EIPR1: variants seen among roughly 807,000 people sequenced by gnomAD.
EIPR1 encodes the protein EARP and GARP complex-interacting protein 1.
In EIPR1, 25 loss-of-function variants were observed where a neutral mutation model predicts 48.1. The observed-to-expected ratio is 0.52, with a 90% CI of 0.38 to 0.73. The LOEUF (loss-of-function observed/expected upper bound fraction) is 0.73. Ranked by LOEUF, EIPR1 falls within the 30% of genes least tolerant of loss-of-function variation. The pLI, the probability that EIPR1 is intolerant of heterozygous loss-of-function variation, is 0.00. For synonymous variants in EIPR1, 204 were observed against 201.9 expected, an observed-to-expected ratio of 1.01 and a Z score of -0.09; for missense variants, 415 against 506.2, an observed-to-expected ratio of 0.82 and a Z score of 1.73.
chr2:3,277,764 C>T (rs1490147073), intron 3 of EIPR1, among the ~76,000 whole-genome samples: 1 of 152,258 alleles, frequency 6.6e-6, no homozygotes, highest in Admixed American at 6.5e-5. Flanking sequence ...TGTTGCGCAG[C>T]CTCGGCTAGG....
At chr2:3,284,096 C>T (rs1386508544) in intron 3 of EIPR1, among the ~76,000 whole-genome samples, 1 of 152,200 alleles carries the variant, frequency 6.6e-6, no homozygotes, top group African/African-American at 2.4e-5. Flanking sequence ...CCCACAGGCA[C>T]AGAAGGCCGC....
chr2:3,308,582 G>C (rs1572423584), intron 3 of EIPR1, among the ~76,000 whole-genome samples: 1 of 152,194 alleles, frequency 6.6e-6, no homozygotes, highest in Non-Finnish European at 1.5e-5. Context: ...AGAAAGTGAG[G>C]TTGAAAAGCA....
At chr2:3,273,564 C>G (rs1184290683) in intron 3 of EIPR1, among the ~76,000 whole-genome samples, 2 of 151,904 alleles carry the variant, frequency 1.3e-5, no homozygotes, top group Non-Finnish European at 2.9e-5. Context: ...TCAGCTATGG[C>G]TCTTATAAAA....
intron 4 of EIPR1, among the ~76,000 whole-genome samples, chr2:3,249,684 T>A (rs1315422904): frequency 1.3e-5 from 2 of 152,080 alleles, no homozygotes; most frequent in Non-Finnish European, 2.9e-5. Context: ...CTTGAAGACA[T>A]CTCAGGCATC....
chr2:3,197,517 C>T (rs566616760), intron 5 of EIPR1, among the ~76,000 whole-genome samples: 7 of 152,314 alleles, frequency 4.6e-5, no homozygotes, highest in African/African-American at 1.7e-4. Flanking sequence ...CCCAAGCCAG[C>T]GAGCTGACCA....
intron 3 of EIPR1, among the ~76,000 whole-genome samples, chr2:3,281,146 T>C (rs1193453343): frequency 6.6e-6 from 1 of 152,146 alleles, no homozygotes; most frequent in East Asian, 1.9e-4. Context: ...CTTTCGGTAC[T>C]CGAGGTCTGG....
intron 2 of EIPR1, among the ~76,000 whole-genome samples, chr2:3,352,939 G>A (rs748374371): frequency 7.2e-5 from 11 of 152,252 alleles, no homozygotes; most frequent in Admixed American, 1.3e-4. Context: ...GGAGGTTGCA[G>A]TGAGCTGAGA....
intron 3 of EIPR1, among the ~76,000 whole-genome samples, chr2:3,285,066 G>A (rs934760518): frequency 6.6e-6 from 1 of 152,202 alleles, no homozygotes; most frequent in African/African-American, 2.4e-5. Context: ...GGACACGTCA[G>A]ACCACCATGG....
chr2:3,285,338 C>T (rs1030253739), intron 3 of EIPR1, among the ~76,000 whole-genome samples: 8 of 149,084 alleles, frequency 5.4e-5, no homozygotes, highest in Non-Finnish European at 1.0e-4. Context: ...CCCCCACCCC[C>T]ACCCCCCAGG....
chr2:3,293,385 T>C (rs576714328), intron 3 of EIPR1, among the ~76,000 whole-genome samples: 22 of 152,182 alleles, frequency 1.4e-4, no homozygotes, highest in African/African-American at 5.3e-4. Context: ...AGCCTGTGAG[T>C]CCATGCGTGG....
At chr2:3,196,060 G>A (rs934614699) in intron 6 of EIPR1, among the ~76,000 whole-genome samples, 1 of 152,170 alleles carries the variant, frequency 6.6e-6, no homozygotes, top group Non-Finnish European at 1.5e-5. Context: ...GTTCATCACG[G>A]GCTGAGTCTG....
At chr2:3,287,598 C>T (rs1668236840) in intron 3 of EIPR1, among the ~76,000 whole-genome samples, 1 of 151,892 alleles carries the variant, frequency 6.6e-6, no homozygotes, top group Admixed American at 6.6e-5. Context: ...GTTCACCATG[C>T]TCCAGAAAGT....
chr2:3,191,633 G>A (rs575911268), intron 8 of EIPR1, among the ~76,000 whole-genome samples: 29 of 152,190 alleles, frequency 1.9e-4, no homozygotes, highest in Non-Finnish European at 3.1e-4. Flanking sequence ...TCTGGAACCT[G>A]GGGCAAGAAT....
intron 2 of EIPR1, among the ~76,000 whole-genome samples, chr2:3,349,877 A>G (rs1670518459): frequency 6.6e-6 from 1 of 152,186 alleles, no homozygotes; most frequent in African/African-American, 2.4e-5. Context: ...TAATCCCAGC[A>G]CTTTGGGAGG....
intron 2 of EIPR1, among the ~76,000 whole-genome samples, chr2:3,340,321 C>T (rs1373693255): frequency 6.6e-6 from 1 of 152,198 alleles, no homozygotes; most frequent in African/African-American, 2.4e-5. Context: ...GTCCTGGGGC[C>T]AAGGAGAAGC....
At chr2:3,218,458 T>C (rs997019802) in intron 4 of EIPR1, among the ~76,000 whole-genome samples, 10 of 148,212 alleles carry the variant, frequency 6.7e-5, no homozygotes, top group Middle Eastern at 3.7e-3. Context: ...CGATACGCTC[T>C]AGAGCATTCA....
chr2:3,247,156 A>C (rs1380552196), intron 4 of EIPR1, among the ~76,000 whole-genome samples: 1 of 151,968 alleles, frequency 6.6e-6, no homozygotes, highest in Non-Finnish European at 1.5e-5. Context: ...AAAGCTTCTT[A>C]TTATGGATTC....
intron 4 of EIPR1, among the ~76,000 whole-genome samples, chr2:3,223,951 T>G (rs1170124401): frequency 2.6e-5 from 4 of 152,056 alleles, no homozygotes; most frequent in Non-Finnish European, 5.9e-5. Flanking sequence ...AAGAGAACCA[T>G]CCCGGGAACA....
chr2:3,216,473 G>T (rs1351740472), intron 4 of EIPR1, among the ~76,000 whole-genome samples: 1 of 151,026 alleles, frequency 6.6e-6, no homozygotes, highest in Non-Finnish European at 1.5e-5. Context: ...AGAAGCTCCA[G>T]AAAGGCAGAG....
Sources: gnomAD v4.1 joint callset for allele counts (sites outside exome capture counted in the v4.1 genomes callset) on GRCh38, gnomAD v4.1.1 for gene constraint, MANE v1.5 for transcripts, NCBI Gene and HGNC (gene_info 2026-07-23, HGNC 2026-07-21) for gene names.